The following ARHGAP18 variants were observed in gnomAD, a reference collection of about 807,000 sequenced individuals.
The protein encoded by ARHGAP18 is rho GTPase-activating protein 18.
ARHGAP18 carries 67 observed loss-of-function variants against 86.2 expected under a neutral mutation model. The observed-to-expected ratio is 0.78, with a 90% CI of 0.64 to 0.95. The LOEUF is 0.95. Among genes scored for constraint, ARHGAP18 ranks in the 40% least tolerant of loss-of-function variants. The pLI is 0.00. For synonymous variants in ARHGAP18, 283 were observed against 280.4 expected (o/e 1.01, Z -0.09); for missense variants, 691 against 780.4 (o/e 0.89, Z 1.37).
At chr6:129,678,990 A>G (rs1774280096) in intron 1 of ARHGAP18, among the ~76,000 whole-genome samples, 2 of 152,238 alleles carry the variant, frequency 1.3e-5, no homozygotes, top group Non-Finnish European at 2.9e-5. Flanking sequence ...ACTGTAGAAT[A>G]AACTCTTTTG....
chr6:129,710,028 AG>A lies in ARHGAP18; in HGVS notation c.108del (p.Ser37ArgfsTer10). ...NSHAKAGEEA[T>X]SSRRYGQYTM... The stretch of plus-strand genomic sequence containing the variant: ...TTTCAGCTTCCGAAGGCTTACCTCG[AG>A]GTGGCTTCCTCCCCTGCCTTTGCAT... On this transcript the variant is annotated frameshift_variant, in exon 1 of 15. Coordinates refer to ENST00000368149, the MANE Select transcript of ARHGAP18 (RefSeq NM_033515.3). LOFTEE classifies it high-confidence loss of function. 1 of 1,613,640 alleles carries A rather than the reference AG, an allele frequency of 6.2e-7. No homozygotes were observed. Among genetic ancestry groups the A allele is most frequent in the Non-Finnish European group, 8.5e-7 (1 of 1,179,594 alleles).
At chr6:129,650,439 T>TGCTTTAGA in intron 1 of ARHGAP18, among the ~76,000 whole-genome samples, 1 of 152,200 alleles carries the variant, frequency 6.6e-6, no homozygotes, top group East Asian at 1.9e-4. Context: ...ATAGGTTTCT[T>TGCTTTAGA]GCTTTAGAGC....
intron 1 of ARHGAP18, among the ~76,000 whole-genome samples, chr6:129,643,492 G>C (rs1404241890): frequency 6.6e-6 from 1 of 152,158 alleles, no homozygotes; most frequent in Non-Finnish European, 1.5e-5. Flanking sequence ...GGCTTCCCCA[G>C]CCATACTGAA....
chr6:129,685,063 C>T (rs997906216), intron 1 of ARHGAP18, among the ~76,000 whole-genome samples: 1 of 152,208 alleles, frequency 6.6e-6, no homozygotes. Flanking sequence ...TAGTAATTAA[C>T]AGGACAGCCT....
chr6:129,660,955 G>C (rs923248687), intron 1 of ARHGAP18, among the ~76,000 whole-genome samples: 10 of 146,194 alleles, frequency 6.8e-5, no homozygotes, highest in Non-Finnish European at 1.5e-4. Context: ...TTCTTGTTAA[G>C]TACATTAAAA....
chr6:129,600,578 CT>C, intron 11 of ARHGAP18, 63 bp downstream of exon 11: 1 of 1,335,874 alleles, frequency 7.5e-7, no homozygotes, highest in Non-Finnish European at 1.0e-6. Flanking sequence ...ATTAATAAAG[CT>C]AATAACAAAC....
At chr6:129,597,125 T>A (rs956480090) in intron 12 of ARHGAP18, among the ~76,000 whole-genome samples, 3 of 152,126 alleles carry the variant, frequency 2.0e-5, no homozygotes, top group African/African-American at 7.2e-5. Context: ...AATTTTTTTT[T>A]TAAATTTTGG....
intron 3 of ARHGAP18, among the ~76,000 whole-genome samples, chr6:129,637,554 G>A (rs554329259): frequency 5.3e-5 from 8 of 152,220 alleles, no homozygotes; most frequent in African/African-American, 1.9e-4. Context: ...CATCCTAAAG[G>A]GTTTCTCTGT....
In ARHGAP18 at chr6:129,578,114, G is replaced by C. The variant is rs540605992; in HGVS notation, c.*399C>G. The C allele has an allele frequency of 6.6e-6, 1 of 152,174 alleles. No homozygotes were observed. Among genetic ancestry groups the C allele is most frequent in the Non-Finnish European group, 1.5e-5 (1 of 68,024 alleles). 9.4% of individuals were successfully genotyped at this position (152,174 alleles called of 1,614,324 possible). On this transcript the variant is annotated 3_prime_UTR_variant, in exon 15 of 15. Coordinates refer to ENST00000368149, the MANE Select transcript of ARHGAP18 (RefSeq NM_033515.3). Reference sequence around the variant, plus strand: ...TCAAAAAGCAAACCTAACTGGGAAAGGGTAGATGTGAGGAGGTAATAGAGG... The same window carrying C: ...TCAAAAAGCAAACCTAACTGGGAAACGGTAGATGTGAGGAGGTAATAGAGG...
intron 10 of ARHGAP18, 128 bp from the exon 11 acceptor site, chr6:129,600,976 T>A: frequency 1.3e-6 from 1 of 751,472 alleles, no homozygotes; most frequent in East Asian, 2.7e-5. Flanking sequence ...ACTAATCACA[T>A]CCAGCAGGCC....
intron 14 of ARHGAP18, among the ~76,000 whole-genome samples, chr6:129,579,592 C>T (rs912999956): frequency 1.2e-4 from 19 of 152,030 alleles, no homozygotes; most frequent in Admixed American, 3.3e-4. Context: ...TAATTCATTC[C>T]ATTTTTTAAA....
At chr6:129,582,910 T>G (rs998851590) in intron 13 of ARHGAP18, among the ~76,000 whole-genome samples, 1 of 152,206 alleles carries the variant, frequency 6.6e-6, no homozygotes, top group Non-Finnish European at 1.5e-5. Context: ...AGCCTAGATA[T>G]TACCAATAAG....
intron 5 of ARHGAP18, among the ~76,000 whole-genome samples, 188 bp from the exon 6 acceptor site, chr6:129,619,040 C>A (rs999478998): frequency 6.6e-6 from 1 of 150,958 alleles, no homozygotes; most frequent in Non-Finnish European, 1.5e-5. Context: ...GTGGAGGGTT[C>A]GGGAGTCAAC....
chr6:129,605,975 A>G lies in ARHGAP18; in HGVS notation c.1283-16T>C, dbSNP rs1485506797. On this transcript the variant is annotated splice_polypyrimidine_tract_variant and intron_variant, in intron 9 of 14. Transcript: ENST00000368149. The stretch of plus-strand genomic sequence containing the variant: ...GTTGGAAGATCTGCAGACAAATTAA[A>G]TAAATCTGAACTCTTTTCTTCAGTG... 2 of 1,609,184 alleles carry G rather than the reference A, an allele frequency of 1.2e-6. No homozygotes were observed. The highest frequency in any genetic ancestry group is 1.7e-6 in the Non-Finnish European group (2 of 1,175,838).
intron 1 of ARHGAP18, among the ~76,000 whole-genome samples, chr6:129,674,379 T>C (rs140603898): frequency 6.6e-6 from 1 of 152,310 alleles, no homozygotes; most frequent in Non-Finnish European, 1.5e-5. Flanking sequence ...TTTAAAATTC[T>C]ATGGTTCTAG....
rs373226180 is a variant in ARHGAP18 at position 129,582,790 on chromosome 6, T to C, written c.1838+1198A>G. On this transcript the variant is annotated intron_variant, in intron 13 of 14. Transcript: ENST00000368149. ...TTTAGAATTCCAGCTCTACCACCTA[T>C]GAAAAATGTGTGACCTTGTAAATCT... Among the ~76,000 whole-genome samples the C allele has an allele frequency of 2.8e-4, 42 of 152,356 alleles. No individual in the cohort carries two copies. In the South Asian group the frequency reaches 8.5e-3, roughly 31 times the overall value.
intron 1 of ARHGAP18, among the ~76,000 whole-genome samples, chr6:129,662,291 A>G (rs1773969099): frequency 6.6e-6 from 1 of 152,268 alleles, no homozygotes; most frequent in Non-Finnish European, 1.5e-5. Flanking sequence ...CTCTTTCAGC[A>G]GTGACAGCAA....
chr6:129,580,509 C>T (rs1429184027), intron 13 of ARHGAP18, among the ~76,000 whole-genome samples: 1 of 152,156 alleles, frequency 6.6e-6, no homozygotes, highest in Non-Finnish European at 1.5e-5. Context: ...CTTTAGTTTT[C>T]ACATTACTCT....
chr6:129,603,013 T>C (rs1788779450), intron 10 of ARHGAP18, among the ~76,000 whole-genome samples: 1 of 141,166 alleles, frequency 7.1e-6, no homozygotes, highest in Admixed American at 7.0e-5. Context: ...ATAATTTCAA[T>C]AGTTTTTGGG....
Sources: gnomAD v4.1 joint callset for allele counts (sites outside exome capture counted in the v4.1 genomes callset) on GRCh38, gnomAD v4.1.1 for gene constraint, MANE v1.5 for transcripts, NCBI Gene and HGNC (gene_info 2026-07-23, HGNC 2026-07-21) for gene names.